The following ADCY9 variants were observed in gnomAD, a reference collection of about 807,000 sequenced individuals.
ADCY9 encodes adenylate cyclase 9.
In ADCY9, 50 loss-of-function variants were observed where a neutral mutation model predicts 101.5. The ratio of observed to expected loss-of-function variants is 0.49; its 90% CI spans 0.39 to 0.62. The LOEUF (loss-of-function observed/expected upper bound fraction) is 0.62. ADCY9 is among the 20% of genes least tolerant of loss of function. ADCY9 has a pLI of 0.00. For synonymous variants in ADCY9, 905 were observed against 769.3 expected (o/e 1.18, Z -2.92); for missense variants, 1,662 against 1,800.4 (o/e 0.92, Z 1.39).
chr16:4,092,137 G>A (rs2056977384), intron 2 of ADCY9, among the ~76,000 whole-genome samples: 1 of 152,198 alleles, frequency 6.6e-6, no homozygotes, highest in South Asian at 2.1e-4. Context: ...AGGTGTGGTG[G>A]CGGGTGCCTG....
chr16:4,008,537 C>T (rs944064104), intron 2 of ADCY9, among the ~76,000 whole-genome samples: 8 of 150,814 alleles, frequency 5.3e-5, no homozygotes, highest in Admixed American at 1.3e-4. Context: ...TGCCACACAC[C>T]GAGAATAAAA....
intron 10 of ADCY9, among the ~76,000 whole-genome samples, chr16:3,969,552 T>G (rs2056028884): frequency 8.1e-6 from 1 of 123,560 alleles, no homozygotes; most frequent in Admixed American, 8.9e-5. Context: ...TAGCACAATT[T>G]CTTAAAGTTT....
intron 2 of ADCY9, among the ~76,000 whole-genome samples, chr16:4,053,392 C>T (rs773621246): frequency 6.6e-6 from 1 of 151,810 alleles, no homozygotes; most frequent in Admixed American, 6.6e-5. Flanking sequence ...AATTCAGTCA[C>T]TGAGACATAA....
intron 2 of ADCY9, among the ~76,000 whole-genome samples, chr16:4,019,410 T>C (rs2141736174): frequency 6.6e-6 from 1 of 152,360 alleles, no homozygotes; most frequent in South Asian, 2.1e-4. Context: ...GCAACTGTCA[T>C]TTATGCCTTA....
chr16:4,034,369 A>G (rs2056575964), intron 2 of ADCY9, among the ~76,000 whole-genome samples: 1 of 152,178 alleles, frequency 6.6e-6, no homozygotes, highest in Non-Finnish European at 1.5e-5. Context: ...TCTTACAACC[A>G]AAACCATGCT....
chr16:4,028,625 C>A (rs1180823869), intron 2 of ADCY9, among the ~76,000 whole-genome samples: 1 of 152,130 alleles, frequency 6.6e-6, no homozygotes, highest in Admixed American at 6.6e-5. Flanking sequence ...ATATGATGGA[C>A]CTCATGGGAT....
At chr16:3,996,593 A>C (rs1227914245) in intron 3 of ADCY9, among the ~76,000 whole-genome samples, 1 of 152,194 alleles carries the variant, frequency 6.6e-6, no homozygotes, top group Non-Finnish European at 1.5e-5. Context: ...AGGAAGCTGG[A>C]GGTGTGGAAG....
At chr16:4,009,581 T>G (rs2056389820) in intron 2 of ADCY9, among the ~76,000 whole-genome samples, 1 of 152,170 alleles carries the variant, frequency 6.6e-6, no homozygotes, top group African/African-American at 2.4e-5. Context: ...CACTCTTACT[T>G]AGCTCCTGAA....
chr16:4,085,299 T>A (rs773377920), intron 2 of ADCY9, among the ~76,000 whole-genome samples: 1 of 151,792 alleles, frequency 6.6e-6, no homozygotes, highest in South Asian at 2.1e-4. Flanking sequence ...GACGCAGAGA[T>A]TGCCATGAGC....
intron 2 of ADCY9, among the ~76,000 whole-genome samples, chr16:4,072,530 G>A (rs1178326559): frequency 3.3e-5 from 5 of 152,094 alleles, no homozygotes; most frequent in African/African-American, 7.2e-5. Context: ...GTCTCTTCTC[G>A]CTGCAGCCCC....
intron 3 of ADCY9, among the ~76,000 whole-genome samples, chr16:4,000,968 TACACACACACACACAC>T (rs141254290): frequency 2.4e-5 from 3 of 125,258 alleles, no homozygotes; most frequent in African/African-American, 5.8e-5. Context: ...TCCCTCTCTC[TACACACACACACACAC>T]ACACACACAC....
chr16:4,091,689 C>A (rs1309257656), intron 2 of ADCY9, among the ~76,000 whole-genome samples: 1 of 152,176 alleles, frequency 6.6e-6, no homozygotes, highest in African/African-American at 2.4e-5. Flanking sequence ...ACATGCTGAG[C>A]GAGAGAATCC....
At chr16:4,096,247 A>G (rs996138069) in intron 2 of ADCY9, among the ~76,000 whole-genome samples, 2 of 152,222 alleles carry the variant, frequency 1.3e-5, no homozygotes, top group Non-Finnish European at 2.9e-5. Flanking sequence ...AGAAAAAAAC[A>G]CTTTTCAAAT....
chr16:4,064,109 AT>A (rs2056787465), intron 2 of ADCY9, among the ~76,000 whole-genome samples: 1 of 152,250 alleles, frequency 6.6e-6, no homozygotes, highest in Non-Finnish European at 1.5e-5. Context: ...CAAAATCAAT[AT>A]CAGGAAATCA....
chr16:4,089,874 T>C (rs997190618), intron 2 of ADCY9, among the ~76,000 whole-genome samples: 1 of 152,042 alleles, frequency 6.6e-6, no homozygotes, highest in Non-Finnish European at 1.5e-5. Flanking sequence ...AGAACAGTCC[T>C]CTCCCTGGTG....
intron 6 of ADCY9, among the ~76,000 whole-genome samples, chr16:3,984,825 G>A (rs181156880): frequency 6.6e-6 from 1 of 152,352 alleles, no homozygotes; most frequent in East Asian, 1.9e-4. Context: ...GAGACGCACG[G>A]AGCGGAAAGG....
chr16:4,001,975 T>C (rs2601830), intron 3 of ADCY9, among the ~76,000 whole-genome samples: 152,268 of 152,268 alleles, frequency 1, 76,134 homozygotes, highest in Non-Finnish European at 1. Context: ...TCTCGAACTC[T>C]TGACCTCAGG....
At position 4,114,988 on chromosome 16, in the gene ADCY9, A is replaced by C; in HGVS notation, c.455T>G (p.Phe152Cys). ...AAAGAAGCCCACACACACCAGGAGGAAGCACAGCGCGGGGGCGACCATGAC... is the reference window on the plus strand; with the variant it reads ...AAAGAAGCCCACACACACCAGGAGGCAGCACAGCGCGGGGGCGACCATGAC... The part of the protein sequence containing the change: ...LIVMVAPALC[F>C]LLVCVGFFLF... The change falls in exon 2 of 11, where the codon TTC becomes TGC. Residue 152 changes from phenylalanine (F) to cysteine (C), a missense_variant. This residue lies in a region of ADCY9 where 422 missense variants were observed against 392.0 expected (regional missense o/e 1.08). Coordinates refer to ENST00000294016, the MANE Select transcript of ADCY9 (RefSeq NM_001116.4). The surrounding 1 kb of genome is among the most constrained non-coding windows in gnomAD (Gnocchi z 4.3). The C allele has an allele frequency of 6.2e-7, 1 of 1,614,046 alleles. No individual in the cohort carries two copies. Among genetic ancestry groups the C allele is most frequent in the Non-Finnish European group, 8.5e-7 (1 of 1,180,026 alleles).
chr16:4,064,404 G>A (rs887542027), intron 2 of ADCY9, among the ~76,000 whole-genome samples: 2 of 152,150 alleles, frequency 1.3e-5, no homozygotes, highest in African/African-American at 2.4e-5. Context: ...GCTGGGTAAC[G>A]TGTACCTGAG....
Sources: gnomAD v4.1 joint callset for allele counts (sites outside exome capture counted in the v4.1 genomes callset) on GRCh38, gnomAD v4.1.1 for gene constraint, gnomAD v4.1.1 regional missense constraint, Gnocchi (gnomAD v3.1) non-coding constraint, MANE v1.5 for transcripts, NCBI Gene and HGNC (gene_info 2026-07-23, HGNC 2026-07-21) for gene names.